The following PDS5B variants were observed in gnomAD, a reference collection of about 807,000 sequenced individuals.
PDS5B encodes sister chromatid cohesion protein PDS5 homolog B.
A neutral mutation model predicts 184.1 loss-of-function variants in PDS5B; 51 were observed. The ratio of observed to expected loss-of-function variants is 0.28; its 90% CI spans 0.22 to 0.35. The LOEUF is 0.35. Ranked by LOEUF, PDS5B falls within the 10% of genes least tolerant of loss-of-function variation. The pLI, the probability that PDS5B is intolerant of heterozygous loss-of-function variation, is 1.00. For synonymous variants in PDS5B, 566 were observed against 569.2 expected (o/e 0.99, Z 0.08); for missense variants, 1,180 against 1,723.3 (o/e 0.68, Z 5.58).
rs544071856 is a variant in PDS5B, at chr13:32,746,095, A to G, written c.2731A>G (p.Ile911Val). The part of the protein sequence containing the change: ...LEQYQLCALA[I>V]NDECYQVRQV... Reference sequence around the variant, plus strand: ...ACAATATCAGCTATGTGCATTAGCTATCAACGTAAGGAAATGGCTGTGTAC... The same window carrying G: ...ACAATATCAGCTATGTGCATTAGCTGTCAACGTAAGGAAATGGCTGTGTAC... The change falls in exon 24 of 35, where the codon ATC becomes GTC. Residue 911 changes from isoleucine (I) to valine (V), a missense_variant. Physicochemically the swap from Ile to Val is conservative, Grantham distance 29 (BLOSUM62 3). This residue lies in a region of PDS5B where 40 missense variants were observed against 107.2 expected (regional missense o/e 0.37). Transcript: ENST00000315596. 3.8e-5 allele frequency: 62 copies of G among 1,612,338 alleles called. No homozygotes were observed. The East Asian group carries it at 6.0e-4, about 16-fold the overall frequency.
chr13:32,738,826 C>T (rs942605770), intron 21 of PDS5B, among the ~76,000 whole-genome samples: 1 of 152,040 alleles, frequency 6.6e-6, no homozygotes, highest in Non-Finnish European at 1.5e-5. Context: ...CGCCCACCAC[C>T]ATGTCCACCT....
In PDS5B at chr13:32,683,891, G is replaced by A; in HGVS notation, c.1071G>A (p.Val357=). The A allele has an allele frequency of 6.3e-7, 1 of 1,592,942 alleles. No individual in the cohort carries two copies. Among genetic ancestry groups the A allele is most frequent in the Non-Finnish European group, 8.6e-7 (1 of 1,165,318 alleles). ...LAKDLTEYLK[V]RSHDPEEAIR... is the part of the protein sequence containing the mutation. Reference sequence around the variant, plus strand: ...GTTATCTTTCAGAGTATCTTAAAGTGAGGTCACATGACCCTGAGGAAGCTA... The same window carrying A: ...GTTATCTTTCAGAGTATCTTAAAGTAAGGTCACATGACCCTGAGGAAGCTA... Residue 357 remains valine (V), a synonymous_variant, in exon 11 of 35, where the codon GTG becomes GTA. Coordinates refer to ENST00000315596, the MANE Select transcript of PDS5B (RefSeq NM_015032.4).
chr13:32,648,909 C>T (rs762588976), intron 2 of PDS5B, 29 bp downstream of exon 2: 3 of 972,182 alleles, frequency 3.1e-6, no homozygotes, highest in Non-Finnish European at 5.0e-6. Flanking sequence ...TTTTTTACAT[C>T]TGTGTAGGGC....
At chr13:32,594,805 A>G (rs2057833096) in intron 1 of PDS5B, among the ~76,000 whole-genome samples, 1 of 152,184 alleles carries the variant, frequency 6.6e-6, no homozygotes, top group Non-Finnish European at 1.5e-5. Context: ...GGACTAAATT[A>G]GTAAATAATC....
At chr13:32,586,990 C>CCCGCAG (rs2057692358) in intron 1 of PDS5B, among the ~76,000 whole-genome samples, 1 of 140,810 alleles carries the variant, frequency 7.1e-6, no homozygotes, top group African/African-American at 2.6e-5. Flanking sequence ...CCCGCGCCCT[C>CCCGCAG]CCGCCGCCGC....
At chr13:32,605,064 C>T (rs998167608) in intron 1 of PDS5B, among the ~76,000 whole-genome samples, 1 of 152,120 alleles carries the variant, frequency 6.6e-6, no homozygotes, top group Non-Finnish European at 1.5e-5. Flanking sequence ...TTTTTTGTGT[C>T]TCTATCTCCT....
At chr13:32,685,895 C>CT (rs145835602) in intron 11 of PDS5B, among the ~76,000 whole-genome samples, 2,961 of 152,256 alleles carry the variant, frequency 0.019, 70 homozygotes, top group African/African-American at 0.061. Context: ...CCACCTCGGC[C>CT]TCCCAAAGTG....
intron 18 of PDS5B, among the ~76,000 whole-genome samples, chr13:32,708,328 C>A (rs1952091365): frequency 6.6e-6 from 1 of 152,208 alleles, no homozygotes; most frequent in African/African-American, 2.4e-5. Flanking sequence ...GCGGGCTAAT[C>A]CTCACTTTGG....
At chr13:32,773,624 A>G (rs1024473195) in intron 34 of PDS5B, among the ~76,000 whole-genome samples, 1 of 152,196 alleles carries the variant, frequency 6.6e-6, no homozygotes, top group Non-Finnish European at 1.5e-5. Flanking sequence ...CCCATTAAGT[A>G]TACTGTTGTT....
At chr13:32,639,195 C>T (rs1165153162) in intron 1 of PDS5B, among the ~76,000 whole-genome samples, 2 of 152,074 alleles carry the variant, frequency 1.3e-5, no homozygotes, top group Non-Finnish European at 2.9e-5. Context: ...TGATGCAGGT[C>T]GAGATATTCC....
intron 1 of PDS5B, among the ~76,000 whole-genome samples, chr13:32,623,140 T>C (rs2058324966): frequency 6.6e-6 from 1 of 152,182 alleles, no homozygotes; most frequent in African/African-American, 2.4e-5. Flanking sequence ...TTAGTCATTT[T>C]CTTGGTATGG....
At chr13:32,762,062 G>C (rs1014878372) in intron 30 of PDS5B, among the ~76,000 whole-genome samples, 2 of 152,186 alleles carry the variant, frequency 1.3e-5, no homozygotes, top group Non-Finnish European at 2.9e-5. Context: ...GATTAGCGAT[G>C]ATGAGCATTT....
At chr13:32,737,304 T>G (rs1393537352) in intron 21 of PDS5B, among the ~76,000 whole-genome samples, 1 of 152,178 alleles carries the variant, frequency 6.6e-6, no homozygotes, top group Non-Finnish European at 1.5e-5. Flanking sequence ...GCTTATTATT[T>G]TTTTCTGGTC....
At chr13:32,596,449 A>C (rs1593233413) in intron 1 of PDS5B, among the ~76,000 whole-genome samples, 1 of 152,150 alleles carries the variant, frequency 6.6e-6, no homozygotes, top group Non-Finnish European at 1.5e-5. Flanking sequence ...CCAGTTTTTG[A>C]CTATTATGAA....
chr13:32,693,019 C>T (rs1216859129), intron 13 of PDS5B, among the ~76,000 whole-genome samples: 1 of 151,810 alleles, frequency 6.6e-6, no homozygotes, highest in East Asian at 1.9e-4. Flanking sequence ...AAAATCTAGG[C>T]CTTTCAGAAG....
chr13:32,710,873 A>C (rs1952182243), intron 19 of PDS5B, among the ~76,000 whole-genome samples: 1 of 152,218 alleles, frequency 6.6e-6, no homozygotes, highest in African/African-American at 2.4e-5. Context: ...AGAGACTGGG[A>C]GTAAAGCTAG....
intron 1 of PDS5B, among the ~76,000 whole-genome samples, chr13:32,644,250 A>T (rs1468231643): frequency 6.6e-6 from 1 of 152,104 alleles, no homozygotes; most frequent in Non-Finnish European, 1.5e-5. Flanking sequence ...TGACTTTATG[A>T]TGGTGTGAAG....
At chr13:32,714,604 C>T (rs1260859361) in intron 19 of PDS5B, among the ~76,000 whole-genome samples, 1 of 152,158 alleles carries the variant, frequency 6.6e-6, no homozygotes, top group East Asian at 1.9e-4. Flanking sequence ...TTCTCTTTCT[C>T]AGGGATGTTC....
chr13:32,612,893 G>C (rs2058164656), intron 1 of PDS5B, among the ~76,000 whole-genome samples: 1 of 152,094 alleles, frequency 6.6e-6, no homozygotes, highest in South Asian at 2.1e-4. Context: ...CCAGACTGTG[G>C]TATTCTGTTA....
Sources: gnomAD v4.1 joint callset for allele counts (sites outside exome capture counted in the v4.1 genomes callset) on GRCh38, gnomAD v4.1.1 for gene constraint, gnomAD v4.1.1 regional missense constraint, MANE v1.5 for transcripts, NCBI Gene and HGNC (gene_info 2026-07-23, HGNC 2026-07-21) for gene names.